The following TSC22D1 variants were observed in gnomAD, a reference collection of about 807,000 sequenced individuals.
TSC22D1 encodes the protein TSC22 domain family protein 1.
In TSC22D1, 9 loss-of-function variants were observed where a neutral mutation model predicts 74.2. The ratio of observed to expected loss-of-function variants is 0.12; its 90% CI spans 0.07 to 0.21. The LOEUF is 0.21. TSC22D1 is among the 10% of genes least tolerant of loss of function. The probability of loss-of-function intolerance (pLI) is 1.00; values close to 1 mark genes in which losing one functional copy is unlikely to be tolerated. For synonymous variants in TSC22D1, 586 were observed against 492.5 expected (o/e 1.19, Z -2.51); for missense variants, 1,427 against 1,304.7 (o/e 1.09, Z -1.44).
intron 1 of TSC22D1, among the ~76,000 whole-genome samples, chr13:44,437,880 T>TA (rs1363662217): frequency 1.3e-5 from 2 of 152,164 alleles, no homozygotes; most frequent in Non-Finnish European, 2.9e-5. Context: ...TAATGGTGGT[T>TA]AAAAATAGTT....
At position 44,573,890 on chromosome 13, in the gene TSC22D1, T is replaced by A; in HGVS notation, c.2185A>T (p.Ile729Phe). ...TTTGCTTGCTGACCAATATTTGCAA[T>A]CTGACTGCCAGTAGGTACAGCAGAC... ...AVSAVPTGSQ[I>F]ANIGQQANIP... Residue 729 changes from isoleucine to phenylalanine, a missense_variant, in exon 1 of 3, where the codon ATT becomes TTT. Ile to Phe is a conservative substitution (Grantham distance 21). Transcript: ENST00000458659. The A allele has an allele frequency of 6.2e-6, 10 of 1,614,162 alleles. No individual in the cohort carries two copies. The highest frequency in any genetic ancestry group is 8.5e-6 in the Non-Finnish European group (10 of 1,180,026).
At chr13:44,442,980 G>A (rs1875329758) in intron 1 of TSC22D1, among the ~76,000 whole-genome samples, 1 of 148,290 alleles carries the variant, frequency 6.7e-6, no homozygotes, top group Non-Finnish European at 1.5e-5. Flanking sequence ...AATAAGCTAT[G>A]GGACAGTTTC....
chr13:44,561,935 G>C (rs940872593), intron 1 of TSC22D1, among the ~76,000 whole-genome samples: 4 of 152,180 alleles, frequency 2.6e-5, no homozygotes, highest in African/African-American at 9.7e-5. Flanking sequence ...TCCTTAAGGA[G>C]AGAGAGCGAG....
intron 1 of TSC22D1, among the ~76,000 whole-genome samples, chr13:44,489,576 AG>A (rs1336716129): frequency 7.9e-5 from 12 of 152,118 alleles, no homozygotes; most frequent in African/African-American, 2.9e-4. Flanking sequence ...CTATAATTCC[AG>A]CACTTTGGGA....
chr13:44,569,343 G>A lies in TSC22D1; in HGVS notation c.2912+3820C>T, dbSNP rs1005337894. ...ACATATCTAGTGGTAAGACAAGCAA[G>A]TTATTTAGAGACTGGGAGGTAAATA... On this transcript the variant is annotated intron_variant, in intron 1 of 2. Coordinates refer to ENST00000458659, the MANE Select transcript of TSC22D1 (RefSeq NM_183422.4). Among the ~76,000 whole-genome samples the A allele has an allele frequency of 2.0e-5, 3 of 152,114 alleles. No individual in the cohort carries two copies. The East Asian group carries it at 5.8e-4, about 29-fold the overall frequency.
chr13:44,451,993 G>A (rs1313510256), intron 1 of TSC22D1, among the ~76,000 whole-genome samples: 2 of 152,224 alleles, frequency 1.3e-5, no homozygotes, highest in Non-Finnish European at 2.9e-5. Context: ...GACTTGTTCA[G>A]TCAGGAAAGC....
chr13:44,519,208 G>T (rs1566150588), intron 1 of TSC22D1, among the ~76,000 whole-genome samples: 1 of 152,060 alleles, frequency 6.6e-6, no homozygotes, highest in Non-Finnish European at 1.5e-5. Flanking sequence ...AAAGCAGTAT[G>T]TTTTACATCT....
intron 1 of TSC22D1, among the ~76,000 whole-genome samples, chr13:44,532,450 G>A (rs895161364): frequency 3.3e-5 from 5 of 151,974 alleles, no homozygotes; most frequent in African/African-American, 9.7e-5. Flanking sequence ...ACTAACAGAA[G>A]CTGCAGTGCG....
Position 44,573,850 on chromosome 13 carries a change from A to T in TSC22D1, c.2225T>A (p.Val742Glu), listed in dbSNP as rs550229165. Residue 742 changes from valine (V) to glutamate (E), a missense_variant, in exon 1 of 3, where the codon GTG becomes GAG. By Grantham distance (121) the Val-to-Glu change is moderately radical. Transcript: ENST00000458659. ...IGQQANIPTA[V>E]QQPSTQVPPS... ...TGGAACCTGGGTAGAGGGCTGCTGC[A>T]CTGCAGTAGGTATGTTTGCTTGCTG... is the stretch of plus-strand genomic sequence containing the variant. 7.4e-6 allele frequency: 12 copies of T among 1,614,228 alleles called. No homozygotes were observed. In the East Asian group the frequency reaches 2.7e-4, roughly 36 times the overall value.
chr13:44,553,020 A>G (rs1882392911), intron 1 of TSC22D1, among the ~76,000 whole-genome samples: 1 of 152,174 alleles, frequency 6.6e-6, no homozygotes. Flanking sequence ...AAACGAAAAT[A>G]AGGTGGTAAA....
intron 1 of TSC22D1, among the ~76,000 whole-genome samples, chr13:44,516,663 TAA>T: frequency 6.6e-6 from 1 of 152,284 alleles, no homozygotes; most frequent in South Asian, 2.1e-4. Context: ...GCAAAATGTA[TAA>T]AGAGACATTT....
intron 1 of TSC22D1, among the ~76,000 whole-genome samples, chr13:44,458,190 CCTTTTT>C (rs1444484100): frequency 2.0e-5 from 3 of 152,150 alleles, no homozygotes; most frequent in South Asian, 2.1e-4. Flanking sequence ...TGATCCTTTT[CCTTTTT>C]AATTCCAACT....
intron 1 of TSC22D1, among the ~76,000 whole-genome samples, chr13:44,556,352 C>T (rs935053703): frequency 1.3e-5 from 2 of 151,776 alleles, no homozygotes; most frequent in Non-Finnish European, 2.9e-5. Context: ...CAAGACCAGC[C>T]TGACCAACAT....
At chr13:44,573,007 A>G (rs375954920) in intron 1 of TSC22D1, among the ~76,000 whole-genome samples, 156 bp downstream of exon 1, 5 of 152,226 alleles carry the variant, frequency 3.3e-5, no homozygotes, top group Admixed American at 2.6e-4. Context: ...AAACCATTCC[A>G]TAACTCTTGC....
intron 1 of TSC22D1, among the ~76,000 whole-genome samples, chr13:44,525,828 C>CA (rs1880522684): frequency 6.7e-6 from 1 of 149,900 alleles, no homozygotes; most frequent in Non-Finnish European, 1.5e-5. Context: ...TAGCCAGGCT[C>CA]AGTGGTTCAC....
intron 1 of TSC22D1, among the ~76,000 whole-genome samples, chr13:44,524,222 T>C (rs1440959732): frequency 1.3e-5 from 2 of 151,946 alleles, no homozygotes; most frequent in Non-Finnish European, 1.5e-5. Context: ...AAATTCATAC[T>C]ACTTCCAGTT....
At chr13:44,529,846 G>A (rs886103529) in intron 1 of TSC22D1, among the ~76,000 whole-genome samples, 3 of 151,700 alleles carry the variant, frequency 2.0e-5, no homozygotes, top group African/African-American at 7.3e-5. Flanking sequence ...TAAACACTTT[G>A]GTATAAATCT....
chr13:44,483,477 C>A lies in TSC22D1; in HGVS notation c.2913-47382G>T, dbSNP rs554052748. ...GAGATCGAGACCATCCTGGCTAACA[C>A]AGTGAAACGCCGTCTCTACTACAAA... is the stretch of plus-strand genomic sequence containing the variant. On this transcript the variant is annotated intron_variant, in intron 1 of 2. Transcript: ENST00000458659. Among the ~76,000 whole-genome samples the A allele has an allele frequency of 3.9e-5, 6 of 151,982 alleles. No individual in the cohort carries two copies. The South Asian group carries it at 1.2e-3, about 32-fold the overall frequency.
intron 1 of TSC22D1, among the ~76,000 whole-genome samples, chr13:44,483,552 A>G (rs536579360): frequency 8.5e-5 from 13 of 152,232 alleles, no homozygotes; most frequent in Admixed American, 5.9e-4. Context: ...AGGCGCCTGT[A>G]GTCCCAGCAA....
Sources: allele counts gnomAD v4.1 joint callset (sites outside exome capture counted in the v4.1 genomes callset), GRCh38; gene constraint gnomAD v4.1.1; transcripts MANE v1.5; gene names NCBI Gene and HGNC (gene_info 2026-07-23, HGNC 2026-07-21).